The following SLC35F4 variants were observed in gnomAD, a reference collection of about 807,000 sequenced individuals.
The protein encoded by SLC35F4 is chromosome 14 open reading frame 36.
SLC35F4 carries 24 observed loss-of-function variants against 44.2 expected under a neutral mutation model. The observed-to-expected ratio is 0.54, with a 90% CI of 0.39 to 0.76. SLC35F4 has a LOEUF of 0.76. Ranked by LOEUF, SLC35F4 falls within the 30% of genes least tolerant of loss-of-function variation. The pLI is 0.00. For missense variants in SLC35F4, 562 were observed against 586.1 expected, an observed-to-expected ratio of 0.96 and a Z score of 0.42; for synonymous variants, 238 against 223.6, an observed-to-expected ratio of 1.06 and a Z score of -0.57.
In SLC35F4 at chr14:57,750,036, C is replaced by T. The variant is rs149933428; in HGVS notation, c.103+115687G>A. Among the ~76,000 whole-genome samples the T allele has an allele frequency of 9.2e-4, 140 of 152,226 alleles. 1 individual carries two copies. The highest frequency in any genetic ancestry group is 6.8e-3 in the Middle Eastern group (2 of 294). On this transcript the variant is annotated intron_variant, in intron 1 of 7. Coordinates refer to ENST00000556826, the MANE Select transcript of SLC35F4 (RefSeq NM_001306087.2). ...TCGTTAAGTAATTTCTCATCATCCACCCCTCTCATCTCCTCACCCTGAGTC... is the reference window on the plus strand; with the variant it reads ...TCGTTAAGTAATTTCTCATCATCCATCCCTCTCATCTCCTCACCCTGAGTC...
At chr14:57,864,562 T>C (rs1189614660) in intron 1 of SLC35F4, among the ~76,000 whole-genome samples, 3 of 152,200 alleles carry the variant, frequency 2.0e-5, no homozygotes, top group African/African-American at 4.8e-5. Context: ...GGGAGAAAGT[T>C]ACATGAAAAA....
At chr14:57,762,369 G>T (rs929702191) in intron 1 of SLC35F4, among the ~76,000 whole-genome samples, 2 of 152,134 alleles carry the variant, frequency 1.3e-5, no homozygotes, top group African/African-American at 2.4e-5. Context: ...AAAGGGATTA[G>T]TGAGAACCCA....
intron 1 of SLC35F4, among the ~76,000 whole-genome samples, chr14:57,724,043 G>A (rs2076146596): frequency 6.6e-6 from 1 of 152,230 alleles, no homozygotes; most frequent in Admixed American, 6.5e-5. Flanking sequence ...CCAAAAAAGA[G>A]GCACAATGCT....
chr14:57,737,384 G>A (rs998757012), intron 1 of SLC35F4, among the ~76,000 whole-genome samples: 2 of 151,972 alleles, frequency 1.3e-5, no homozygotes, highest in Non-Finnish European at 2.9e-5. Flanking sequence ...TCCTTTTCTG[G>A]GGTGAACTGA....
chr14:57,739,406 T>TA (rs956938635), intron 1 of SLC35F4, among the ~76,000 whole-genome samples: 4 of 152,210 alleles, frequency 2.6e-5, no homozygotes, highest in South Asian at 2.1e-4. Context: ...ATGATAAGAG[T>TA]AAAAAAACAC....
At chr14:57,573,250 T>C (rs1324852269) in intron 4 of SLC35F4, among the ~76,000 whole-genome samples, 1 of 152,202 alleles carries the variant, frequency 6.6e-6, no homozygotes, top group Non-Finnish European at 1.5e-5. Context: ...CTTTTGTTAG[T>C]GGCCACCAAA....
intron 1 of SLC35F4, among the ~76,000 whole-genome samples, chr14:57,781,310 T>C (rs1172193798): frequency 6.6e-6 from 1 of 152,004 alleles, no homozygotes; most frequent in Non-Finnish European, 1.5e-5. Flanking sequence ...AAGCATATTT[T>C]TAAAAGCTCA....
chr14:57,587,870 CAAAA>C (rs60521934), intron 3 of SLC35F4, among the ~76,000 whole-genome samples: 71 of 125,002 alleles, frequency 5.7e-4, no homozygotes, highest in Admixed American at 2.5e-3. Flanking sequence ...ATGCACCTTC[CAAAA>C]AAAAAAAAAA....
At chr14:57,966,390 G>A (rs1414827744) in intron 1 of SLC35F4, among the ~76,000 whole-genome samples, 3 of 152,158 alleles carry the variant, frequency 2.0e-5, no homozygotes, top group Non-Finnish European at 4.4e-5. Flanking sequence ...GATGAAAACT[G>A]ATTGATGCAT....
intron 1 of SLC35F4, among the ~76,000 whole-genome samples, chr14:57,810,391 T>C (rs1014579847): frequency 1.3e-5 from 2 of 152,262 alleles, no homozygotes; most frequent in East Asian, 1.9e-4. Flanking sequence ...TGACATTTTC[T>C]ATTGCGTGTA....
chr14:57,880,613 T>C (rs181139808), intron 1 of SLC35F4, among the ~76,000 whole-genome samples: 1 of 152,310 alleles, frequency 6.6e-6, no homozygotes, highest in Admixed American at 6.5e-5. Flanking sequence ...TCTCTGAAGA[T>C]ACAACATTTG....
chr14:57,630,103 T>C (rs2072692113), intron 1 of SLC35F4: 4 of 545,916 alleles, frequency 7.3e-6, no homozygotes, highest in Admixed American at 3.8e-5. Flanking sequence ...TGAAGATGCT[T>C]ACATAATTTG....
intron 1 of SLC35F4, among the ~76,000 whole-genome samples, chr14:57,858,194 G>T (rs1022786284): frequency 1.3e-5 from 2 of 151,960 alleles, no homozygotes; most frequent in Admixed American, 6.5e-5. Flanking sequence ...ATACCCAAAG[G>T]ATTATAAATC....
intron 1 of SLC35F4, among the ~76,000 whole-genome samples, chr14:57,902,841 C>T (rs1889033690): frequency 6.6e-6 from 1 of 152,154 alleles, no homozygotes; most frequent in Non-Finnish European, 1.5e-5. Context: ...AAAGCTCTTC[C>T]TCCCTGATAC....
intron 1 of SLC35F4, among the ~76,000 whole-genome samples, chr14:57,680,693 G>C (rs2074867891): frequency 6.6e-6 from 1 of 152,052 alleles, no homozygotes; most frequent in Non-Finnish European, 1.5e-5. Context: ...AAATCCATGT[G>C]CAAAAATCAC....
chr14:57,919,449 G>A (rs909684403), intron 1 of SLC35F4, among the ~76,000 whole-genome samples: 11 of 152,154 alleles, frequency 7.2e-5, no homozygotes, highest in African/African-American at 2.7e-4. Context: ...GCGAGTGTGA[G>A]TCTCAGAGTA....
intron 3 of SLC35F4, among the ~76,000 whole-genome samples, chr14:57,586,184 A>T (rs929421805): frequency 3.3e-5 from 5 of 152,124 alleles, no homozygotes; most frequent in Non-Finnish European, 7.4e-5. Flanking sequence ...CACATCTACA[A>T]CCATCTAGTC....
At chr14:57,958,302 C>T (rs943871230) in intron 1 of SLC35F4, among the ~76,000 whole-genome samples, 1 of 152,184 alleles carries the variant, frequency 6.6e-6, no homozygotes, top group African/African-American at 2.4e-5. Flanking sequence ...TCGTGATCTG[C>T]CCGCCTCAGC....
At chr14:57,647,193 C>T (rs1483083338) in intron 1 of SLC35F4, among the ~76,000 whole-genome samples, 4 of 150,834 alleles carry the variant, frequency 2.7e-5, no homozygotes, top group Non-Finnish European at 3.0e-5. Context: ...CTTTCTGTCT[C>T]GTTGATCTGT....
Sources: allele counts gnomAD v4.1 joint callset (sites outside exome capture counted in the v4.1 genomes callset), GRCh38; gene constraint gnomAD v4.1.1; transcripts MANE v1.5; gene names NCBI Gene and HGNC (gene_info 2026-07-23, HGNC 2026-07-21).